Variants in ZNF438 observed in about 807,000 individuals in gnomAD.
ZNF438 encodes the protein zinc finger protein 438.
ZNF438 carries 25 observed loss-of-function variants against 38.0 expected under a neutral mutation model. The observed-to-expected ratio is 0.66, with a 90% CI of 0.48 to 0.92. The LOEUF (loss-of-function observed/expected upper bound fraction) is 0.92, where lower values mean the gene tolerates loss of function less well. Ranked by LOEUF, ZNF438 falls within the 40% of genes least tolerant of loss-of-function variation. The pLI, the probability that ZNF438 is intolerant of heterozygous loss-of-function variation, is 0.00. For synonymous variants in ZNF438, 372 were observed against 364.1 expected (o/e 1.02, Z -0.25); for missense variants, 1,007 against 999.6 (o/e 1.01, Z -0.10).
At chr10:30,909,734 A>G (rs961837883) in intron 2 of ZNF438, among the ~76,000 whole-genome samples, 5 of 152,212 alleles carry the variant, frequency 3.3e-5, no homozygotes, top group African/African-American at 1.2e-4. Flanking sequence ...TAACTATATG[A>G]TCTAATTAAA....
intron 1 of ZNF438, among the ~76,000 whole-genome samples, chr10:31,015,997 C>A (rs2056167689): frequency 6.6e-6 from 1 of 152,188 alleles, no homozygotes; most frequent in African/African-American, 2.4e-5. Flanking sequence ...CCAATACTGT[C>A]ATGTGGAAGG....
chr10:30,877,147 C>T, intron 3 of ZNF438, 82 bp from the exon 5 acceptor site: 11 of 749,740 alleles, frequency 1.5e-5, no homozygotes, highest in Non-Finnish European at 2.2e-5. Context: ...AAATTCTAAG[C>T]TGTTTTTTAA....
intron 2 of ZNF438, among the ~76,000 whole-genome samples, chr10:30,915,286 T>TGG (rs2043493696): frequency 6.6e-6 from 1 of 152,072 alleles, no homozygotes; most frequent in Admixed American, 6.6e-5. Flanking sequence ...TTCATGGTCA[T>TGG]TCCTATGAGA....
chr10:30,848,832 G>A, exon 5 of ZNF438: 1 of 1,614,192 alleles, frequency 6.2e-7, no homozygotes. Context: ...GTATTCATGT[G>A]GTCTCGAAGG....
chr10:30,844,925 A>G, exon 6 of ZNF438: 2 of 1,589,002 alleles, frequency 1.3e-6, no homozygotes, highest in Non-Finnish European at 1.7e-6. Context: ...AGGTGGCGGC[A>G]GAGCTCTCTC....
At chr10:30,905,832 T>C (rs2042524921) in intron 3 of ZNF438, among the ~76,000 whole-genome samples, 1 of 152,214 alleles carries the variant, frequency 6.6e-6, no homozygotes, top group Admixed American at 6.5e-5. Context: ...GAAAAGACTA[T>C]TGGATAATTC....
intron 3 of ZNF438, among the ~76,000 whole-genome samples, chr10:30,891,019 G>A (rs2040616227): frequency 6.6e-6 from 1 of 152,168 alleles, no homozygotes; most frequent in Non-Finnish European, 1.5e-5. Flanking sequence ...GAAATCCAAA[G>A]CCACTGTGAG....
At chr10:30,845,282 T>C in exon 6 of ZNF438, 3 of 1,614,122 alleles carry the variant, frequency 1.9e-6, no homozygotes, top group Non-Finnish European at 2.5e-6. Flanking sequence ...GTCTTGGACA[T>C]GCATGTGATT....
intron 1 of ZNF438, among the ~76,000 whole-genome samples, chr10:30,975,253 A>T (rs527900109): frequency 5.8e-4 from 88 of 152,294 alleles, no homozygotes; most frequent in African/African-American, 2.0e-3. Flanking sequence ...GAAAAAAACT[A>T]GGAAAGCCCC....
intron 1 of ZNF438, among the ~76,000 whole-genome samples, chr10:30,995,043 G>GAAA (rs35673009): frequency 1.4e-5 from 2 of 145,392 alleles, no homozygotes; most frequent in African/African-American, 2.5e-5. Context: ...TCAGAGAGAG[G>GAAA]AAAAAAAAAA....
At chr10:30,865,564 G>A (rs1457019351) in intron 4 of ZNF438, among the ~76,000 whole-genome samples, 1 of 152,114 alleles carries the variant, frequency 6.6e-6, no homozygotes, top group East Asian at 1.9e-4. Context: ...AAGAACACTA[G>A]GACTGAAAGA....
At chr10:31,022,779 C>T (rs2056691792) in intron 1 of ZNF438, among the ~76,000 whole-genome samples, 1 of 152,204 alleles carries the variant, frequency 6.6e-6, no homozygotes. Context: ...GCCATATTCA[C>T]CTGACCTCTT....
At chr10:30,886,809 GT>G (rs1007996244) in intron 3 of ZNF438, among the ~76,000 whole-genome samples, 14 of 151,892 alleles carry the variant, frequency 9.2e-5, no homozygotes, top group Admixed American at 9.2e-4. Context: ...AACTTTTTTT[GT>G]TTTTTTACTT....
At chr10:30,979,059 G>A (rs1051388927) in intron 1 of ZNF438, among the ~76,000 whole-genome samples, 2 of 152,218 alleles carry the variant, frequency 1.3e-5, no homozygotes, top group Non-Finnish European at 2.9e-5. Flanking sequence ...AAGCCTGGAT[G>A]ACAGCATGTC....
At chr10:30,930,335 G>A (rs1315461895) in intron 2 of ZNF438, among the ~76,000 whole-genome samples, 1 of 152,112 alleles carries the variant, frequency 6.6e-6, no homozygotes, top group African/African-American at 2.4e-5. Flanking sequence ...GCCCCTCACT[G>A]CCCAGGGCCG....
chr10:30,883,665 T>C (rs916049125), intron 3 of ZNF438, among the ~76,000 whole-genome samples: 5 of 152,074 alleles, frequency 3.3e-5, no homozygotes, highest in Non-Finnish European at 7.4e-5. Flanking sequence ...AAGCCCAGAG[T>C]TTGAGACCAG....
chr10:30,925,968 A>C (rs2044863869), intron 2 of ZNF438, among the ~76,000 whole-genome samples: 3 of 152,208 alleles, frequency 2.0e-5, no homozygotes, highest in African/African-American at 7.2e-5. Context: ...AAACTAAAAC[A>C]TATGGTGACT....
intron 4 of ZNF438, among the ~76,000 whole-genome samples, chr10:30,851,538 A>G (rs879747001): frequency 2.6e-5 from 4 of 152,232 alleles, no homozygotes; most frequent in African/African-American, 4.8e-5. Context: ...GTGGTTTGGA[A>G]TTTATATTTT....
At chr10:30,883,628 T>C (rs966362223) in intron 3 of ZNF438, among the ~76,000 whole-genome samples, 2 of 152,160 alleles carry the variant, frequency 1.3e-5, no homozygotes, top group Non-Finnish European at 2.9e-5. Flanking sequence ...CCCAACACTT[T>C]TGGGGGCAGA....
Sources: gnomAD v4.1 joint callset for allele counts (sites outside exome capture counted in the v4.1 genomes callset) on GRCh38, gnomAD v4.1.1 for gene constraint, MANE v1.5 for transcripts, NCBI Gene and HGNC (gene_info 2026-07-23, HGNC 2026-07-21) for gene names.